Variants in GATAD2B observed in about 807,000 individuals in gnomAD.
The protein encoded by GATAD2B is transcriptional repressor p66-beta.
A neutral mutation model predicts 64.3 loss-of-function variants in GATAD2B; 8 were observed. The observed-to-expected ratio is 0.12, with a 90% CI of 0.07 to 0.22. The LOEUF is 0.22. Among genes scored for constraint, GATAD2B ranks in the 10% least tolerant of loss-of-function variants. The pLI, the probability that GATAD2B is intolerant of heterozygous loss-of-function variation, is 1.00. For missense variants in GATAD2B, 453 were observed against 752.0 expected (o/e 0.60, Z 4.65); for synonymous variants, 281 against 271.3 (o/e 1.04, Z -0.35).
At chr1:153,901,841 AAATAAATAAATAAATT>A (rs923925629) in intron 1 of GATAD2B, among the ~76,000 whole-genome samples, 2 of 150,114 alleles carry the variant, frequency 1.3e-5, no homozygotes, top group East Asian at 1.9e-4. Flanking sequence ...ATAAATAAAT[AAATAAATAAATAAATT>A]AAATAAAATG....
intron 1 of GATAD2B, among the ~76,000 whole-genome samples, chr1:153,916,645 A>G (rs1278812143): frequency 6.6e-6 from 1 of 152,128 alleles, no homozygotes; most frequent in East Asian, 1.9e-4. Flanking sequence ...AATCAAGTGT[A>G]TTTTACCATT....
chr1:153,829,607 G>A (rs1163558504), intron 1 of GATAD2B, among the ~76,000 whole-genome samples: 2 of 151,802 alleles, frequency 1.3e-5, no homozygotes, highest in East Asian at 3.9e-4. Context: ...CGTGGTGGCG[G>A]GCGCCTGTAA....
In GATAD2B at chr1:153,908,304, G is replaced by A. The variant is rs140023921; in HGVS notation, c.-2+14429C>T. On this transcript the variant is annotated intron_variant, in intron 1 of 10. Coordinates refer to ENST00000368655, the MANE Select transcript of GATAD2B (RefSeq NM_020699.4). ...AGCCTAGGAGTTTGAGACTAGCCTG[G>A]GCAACACAGCAAGACCCCATCGCTA... 2.0e-4 allele frequency among the ~76,000 whole-genome samples: 31 copies of A among 152,044 alleles called. No individual in the cohort carries two copies. In the East Asian group the frequency reaches 5.8e-3, roughly 28 times the overall value.
At chr1:153,811,161 A>T (rs1219781097) in intron 10 of GATAD2B, among the ~76,000 whole-genome samples, 2 of 152,164 alleles carry the variant, frequency 1.3e-5, no homozygotes, top group African/African-American at 2.4e-5. Flanking sequence ...TCGGCCTCTC[A>T]AAGTGCTGGG....
chr1:153,908,321 C>T (rs1437637052), intron 1 of GATAD2B, among the ~76,000 whole-genome samples: 1 of 151,980 alleles, frequency 6.6e-6, no homozygotes, highest in Non-Finnish European at 1.5e-5. Flanking sequence ...CAGCAAGACC[C>T]CATCGCTATA....
chr1:153,823,464 T>TA (rs1257007693), intron 2 of GATAD2B, among the ~76,000 whole-genome samples: 1 of 152,256 alleles, frequency 6.6e-6, no homozygotes, highest in African/African-American at 2.4e-5. Context: ...TTTAGGCTAT[T>TA]ATGACATGGC....
At chr1:153,912,930 T>G (rs1156877654) in intron 1 of GATAD2B, among the ~76,000 whole-genome samples, 1 of 151,438 alleles carries the variant, frequency 6.6e-6, no homozygotes, top group African/African-American at 2.4e-5. Context: ...CTGTCTCTAC[T>G]AAAAATACAA....
At chr1:153,811,518 C>A (rs1236898074) in intron 10 of GATAD2B, 9 of 625,932 alleles carry the variant, frequency 1.4e-5, no homozygotes, top group East Asian at 2.7e-5. Flanking sequence ...ATGGTAGGAT[C>A]TGGGTCATTT....
At position 153,828,081 on chromosome 1, in the gene GATAD2B, G is replaced by C; in HGVS notation, c.267C>G (p.Asn89Lys). 3 of 1,614,144 alleles carry C rather than the reference G, an allele frequency of 1.9e-6. No homozygotes were observed. The highest frequency in any genetic ancestry group is 2.5e-6 in the Non-Finnish European group (3 of 1,180,018). ...CTTTGCCTGGCCTTCCAGCAGTCCT[G>C]TTGTCTCCATGAGGCCTGAGATTCC... ...LNGNLRPHGDNRTAGRPGKEN... is the reference protein window; with the variant it reads ...LNGNLRPHGDKRTAGRPGKEN... The change falls in exon 2 of 11, where the codon AAC (asparagine) becomes AAG (lysine). Residue 89 changes from asparagine (N) to lysine (K), a missense_variant. Asn to Lys is a moderately conservative substitution (Grantham distance 94). Transcript: ENST00000368655.
rs779722872 is a variant in GATAD2B at position 153,840,026 on chromosome 1, CTTTTTTTT to C, written c.-1-11686_-1-11679del. On this transcript the variant is annotated intron_variant, in intron 1 of 10. Transcript: ENST00000368655. Reference sequence around the variant, plus strand: ...TCCTAAGTAGAAATGAAAATACTTTCTTTTTTTTTTTTTTTTTTTTTTTGAGACGGAGT... The same window carrying C: ...TCCTAAGTAGAAATGAAAATACTTTCTTTTTTTTTTTTTTTGAGACGGAGT... Among the ~76,000 whole-genome samples the C allele has an allele frequency of 2.3e-3, 225 of 97,834 alleles. 1 individual carries two copies. Among genetic ancestry groups the C allele is most frequent in the African/African-American group, 9.2e-3 (216 of 23,412 alleles). 64.2% of individuals were successfully genotyped at this position (97,834 alleles called of 152,430 possible).
chr1:153,876,158 G>T lies in GATAD2B; in HGVS notation c.-2+46575C>A, dbSNP rs1265950993. ...CAGGAGAATCGCTTGAACCCGGGAG[G>T]CGGAGACTGCAGTGAGCTGAGATCG... is the stretch of plus-strand genomic sequence containing the variant. On this transcript the variant is annotated intron_variant, in intron 1 of 10. Coordinates refer to ENST00000368655, the MANE Select transcript of GATAD2B (RefSeq NM_020699.4). Among the ~76,000 whole-genome samples, 3 of 143,918 alleles carry T rather than the reference G, an allele frequency of 2.1e-5. No individual in the cohort carries two copies. In the Admixed American group the frequency reaches 2.2e-4, roughly 10 times the overall value. The allele number at this position is 143,918 out of a possible 152,430, so 94.4% of individuals were successfully genotyped here.
intron 1 of GATAD2B, among the ~76,000 whole-genome samples, chr1:153,839,874 T>A (rs2101900393): frequency 6.6e-6 from 1 of 151,660 alleles, no homozygotes; most frequent in African/African-American, 2.4e-5. Context: ...GTTGGGAGGC[T>A]GAGGCAGGAG....
At chr1:153,837,584 T>A (rs1425606539) in intron 1 of GATAD2B, among the ~76,000 whole-genome samples, 3 of 152,186 alleles carry the variant, frequency 2.0e-5, no homozygotes, top group African/African-American at 4.8e-5. Context: ...TCATGTTACA[T>A]ATATTTTACC....
At chr1:153,857,092 T>A (rs1217615117) in intron 1 of GATAD2B, among the ~76,000 whole-genome samples, 2 of 151,518 alleles carry the variant, frequency 1.3e-5, no homozygotes, top group African/African-American at 2.4e-5. Flanking sequence ...ACAGTATGCT[T>A]TATAATTCCT....
intron 1 of GATAD2B, among the ~76,000 whole-genome samples, chr1:153,912,510 A>C (rs1490579265): frequency 6.6e-6 from 1 of 152,200 alleles, no homozygotes; most frequent in Non-Finnish European, 1.5e-5. Context: ...TGCTATTCAC[A>C]CCAAATTTCA....
intron 4 of GATAD2B, 78 bp downstream of exon 4, chr1:153,818,713 G>A: frequency 5.2e-6 from 7 of 1,349,634 alleles, no homozygotes; most frequent in South Asian, 1.3e-5. Flanking sequence ...CCACCCAACT[G>A]AACCTACCTG....
At chr1:153,852,364 A>G in intron 1 of GATAD2B, 1 of 862,698 alleles carries the variant, frequency 1.2e-6, no homozygotes, top group Admixed American at 1.7e-5. Flanking sequence ...GTCGCCTGCC[A>G]TCACCCTCAT....
intron 1 of GATAD2B, among the ~76,000 whole-genome samples, chr1:153,841,182 T>A (rs1051157204): frequency 6.6e-6 from 1 of 151,076 alleles, no homozygotes; most frequent in Non-Finnish European, 1.5e-5. Flanking sequence ...GAAGATCTCA[T>A]GTACCCTTTA....
intron 1 of GATAD2B, among the ~76,000 whole-genome samples, chr1:153,842,531 C>A (rs1040846030): frequency 1.6e-5 from 2 of 125,168 alleles, no homozygotes; most frequent in African/African-American, 5.3e-5. Context: ...ATTGCATATA[C>A]ATGTAATCAT....
Sources: gnomAD v4.1 joint callset for allele counts (sites outside exome capture counted in the v4.1 genomes callset) on GRCh38, gnomAD v4.1.1 for gene constraint, MANE v1.5 for transcripts, NCBI Gene and HGNC (gene_info 2026-07-23, HGNC 2026-07-21) for gene names.